The following C14orf39 variants were observed in gnomAD, a reference collection of about 807,000 sequenced individuals.
C14orf39 encodes chromosome 14 open reading frame 39.
In C14orf39, 66 loss-of-function variants were observed where a neutral mutation model predicts 85.6. The observed-to-expected ratio is 0.77, with a 90% CI of 0.63 to 0.95. The LOEUF (loss-of-function observed/expected upper bound fraction) is 0.95. Among genes scored for constraint, C14orf39 ranks in the 40% least tolerant of loss-of-function variants. The pLI is 0.00. For missense variants in C14orf39, 735 were observed against 663.9 expected, an observed-to-expected ratio of 1.11 and a Z score of -1.18; for synonymous variants, 242 against 214.0, an observed-to-expected ratio of 1.13 and a Z score of -1.14.
At chr14:60,504,439 A>T (rs940510065) in intron 1 of C14orf39, among the ~76,000 whole-genome samples, 1 of 152,222 alleles carries the variant, frequency 6.6e-6, no homozygotes, top group African/African-American at 2.4e-5. Flanking sequence ...CACATCATTG[A>T]ATTTTAAGTT....
chr14:60,508,041 C>G (rs892786713), intron 1 of C14orf39, among the ~76,000 whole-genome samples: 1 of 152,096 alleles, frequency 6.6e-6, no homozygotes, highest in African/African-American at 2.4e-5. Context: ...TCAGAGCCAC[C>G]AAGCCACTCC....
chr14:60,451,629 T>A (rs1379520146), intron 16 of C14orf39, among the ~76,000 whole-genome samples: 1 of 144,874 alleles, frequency 6.9e-6, no homozygotes, highest in Non-Finnish European at 1.5e-5. Context: ...TAGGTGGGAA[T>A]TGAACAATGA....
intron 7 of C14orf39, 63 bp downstream of exon 7, chr14:60,471,354 A>C (rs887845090): frequency 7.3e-6 from 9 of 1,226,530 alleles, no homozygotes; most frequent in Non-Finnish European, 9.2e-6. Context: ...ACACAGTAAC[A>C]ATTAAAATAC....
intron 9 of C14orf39, among the ~76,000 whole-genome samples, chr14:60,467,732 T>C (rs1382350637): frequency 6.6e-6 from 1 of 151,262 alleles, no homozygotes; most frequent in Non-Finnish European, 1.5e-5. Flanking sequence ...ATCAAGAAAA[T>C]AACACATCCA....
chr14:60,508,290 C>A (rs1409014545), intron 1 of C14orf39, among the ~76,000 whole-genome samples: 1 of 152,134 alleles, frequency 6.6e-6, no homozygotes, highest in Admixed American at 6.5e-5. Context: ...AGGAAATAAG[C>A]TTTTAAGTTG....
chr14:60,505,574 C>T (rs1893192397), intron 1 of C14orf39, among the ~76,000 whole-genome samples: 1 of 152,128 alleles, frequency 6.6e-6, no homozygotes, highest in Admixed American at 6.5e-5. Flanking sequence ...CTTCCAAAGT[C>T]CAAATCACAC....
chr14:60,502,819 C>CA (rs1219932906), intron 1 of C14orf39, among the ~76,000 whole-genome samples: 2 of 152,220 alleles, frequency 1.3e-5, no homozygotes, highest in Non-Finnish European at 2.9e-5. Context: ...GGGCCTAGAG[C>CA]ATCTGCACTT....
rs1385008825 is a variant in C14orf39, at chr14:60,458,757, CA to C, written c.1118-19del. On this transcript the variant is annotated intron_variant, in intron 13 of 17. Coordinates refer to ENST00000321731, the MANE Select transcript of C14orf39 (RefSeq NM_174978.3). ...CTCAGCATCTGTTGTCATATGAGAA[CA>C]AACTATTTTTCTTTTTGTAATTTTA... is the stretch of plus-strand genomic sequence containing the variant. The C allele has an allele frequency of 2.6e-6, 4 of 1,561,502 alleles. No individual in the cohort carries two copies. In the East Asian group the frequency reaches 9.1e-5, roughly 36 times the overall value.
At chr14:60,455,284 T>C (rs1176337529) in intron 15 of C14orf39, 139 bp from the exon 16 acceptor site, 3 of 566,096 alleles carry the variant, frequency 5.3e-6, no homozygotes, top group Non-Finnish European at 9.0e-6. Flanking sequence ...GTGACAATCC[T>C]ATCGAGAAAG....
In C14orf39 at chr14:60,436,672, C is replaced by T. The variant is rs1890263065; in HGVS notation, c.*173G>A. On this transcript the variant is annotated 3_prime_UTR_variant, in exon 18 of 18. Transcript: ENST00000321731. ...TAAATAATGATTAGTTAATAGCACA[C>T]ACAAAACCCAAAATATTCAGTATTT... 10 of 492,142 alleles carry T rather than the reference C, an allele frequency of 2.0e-5. No individual in the cohort carries two copies. Among genetic ancestry groups the T allele is most frequent in the Non-Finnish European group, 3.1e-5 (9 of 289,770 alleles). 30.5% of individuals were successfully genotyped at this position (492,142 alleles called of 1,614,324 possible). A position where few individuals can be genotyped will look rare whatever the true frequency, so the allele number is the denominator to read the frequency against.
upstream of C14orf39, among the ~76,000 whole-genome samples, chr14:60,488,186 T>C (rs1257709420): frequency 6.6e-6 from 1 of 152,208 alleles, no homozygotes. Flanking sequence ...GATTTTCTTA[T>C]GAAAATTTGT....
intron 1 of C14orf39, among the ~76,000 whole-genome samples, chr14:60,507,122 C>G (rs1893214240): frequency 6.6e-6 from 1 of 152,192 alleles, no homozygotes; most frequent in South Asian, 2.1e-4. Context: ...CCCACCGCCT[C>G]TTCTGCGCGC....
At position 60,478,299 on chromosome 14, in the gene C14orf39, C is replaced by T. The variant is rs1480382041; in HGVS notation, c.323+1G>A. ...TGATAAACTTCATATAAGTACTATA[C>T]TTGTCTTTTTCAACAGTTCCTTGAT... is the stretch of plus-strand genomic sequence containing the variant. On this transcript the variant is annotated splice_donor_variant, in intron 5 of 17. Coordinates refer to ENST00000321731, the MANE Select transcript of C14orf39 (RefSeq NM_174978.3). LOFTEE classifies it high-confidence loss of function. 4 of 1,486,368 alleles carry T rather than the reference C, an allele frequency of 2.7e-6. No homozygotes were observed. Among genetic ancestry groups the T allele is most frequent in the East Asian group, 2.4e-5 (1 of 41,828 alleles). The allele number at this position is 1,486,368 out of a possible 1,614,324, so 92.1% of individuals were successfully genotyped here.
chr14:60,447,477 A>T (rs575493587), intron 16 of C14orf39, among the ~76,000 whole-genome samples: 4 of 152,290 alleles, frequency 2.6e-5, no homozygotes, highest in South Asian at 4.2e-4. Context: ...CCAGAAATAC[A>T]ACTTACAAGG....
At chr14:60,448,836 A>G (rs1595446745) in intron 16 of C14orf39, among the ~76,000 whole-genome samples, 1 of 152,234 alleles carries the variant, frequency 6.6e-6, no homozygotes, top group African/African-American at 2.4e-5. Flanking sequence ...GCACATATAC[A>G]CCATGGAATA....
chr14:60,442,344 G>A (rs1029965063), intron 16 of C14orf39, among the ~76,000 whole-genome samples: 8 of 151,914 alleles, frequency 5.3e-5, no homozygotes, highest in South Asian at 4.2e-4. Flanking sequence ...TTTGATTCAG[G>A]CAAAATACAC....
chr14:60,510,592 C>T (rs1213513500), intron 1 of C14orf39, among the ~76,000 whole-genome samples: 2 of 152,106 alleles, frequency 1.3e-5, no homozygotes, highest in African/African-American at 4.8e-5. Context: ...CGGCCTCATC[C>T]CCCAGGCCCA....
chr14:60,474,398 C>G (rs1892264621), intron 5 of C14orf39, among the ~76,000 whole-genome samples: 1 of 71,784 alleles, frequency 1.4e-5, no homozygotes, highest in African/African-American at 3.5e-5. Flanking sequence ...TTATTTCTTT[C>G]TCCTGCCTGA....
chr14:60,450,995 C>T (rs1394571531), intron 16 of C14orf39, among the ~76,000 whole-genome samples: 1 of 152,180 alleles, frequency 6.6e-6, no homozygotes, highest in Admixed American at 6.5e-5. Context: ...GAAAGACAGG[C>T]ACTACAAGCC....
Sources: gnomAD v4.1 joint callset for allele counts (sites outside exome capture counted in the v4.1 genomes callset) on GRCh38, gnomAD v4.1.1 for gene constraint, MANE v1.5 for transcripts, NCBI Gene and HGNC (gene_info 2026-07-23, HGNC 2026-07-21) for gene names.